The following KCNH1 variants were observed in gnomAD, a reference collection of about 807,000 sequenced individuals.
The protein encoded by KCNH1 is voltage-gated delayed rectifier potassium channel KCNH1.
KCNH1 carries 27 observed loss-of-function variants against 69.2 expected under a neutral mutation model. That is an observed-to-expected ratio of 0.39 (90% CI 0.29 to 0.54). The LOEUF (loss-of-function observed/expected upper bound fraction) is 0.54. Among genes scored for constraint, KCNH1 ranks in the 20% least tolerant of loss-of-function variants. The pLI is 0.68. For missense variants in KCNH1, 798 were observed against 1,261.6 expected, an observed-to-expected ratio of 0.63 and a Z score of 5.57; for synonymous variants, 456 against 487.7, an observed-to-expected ratio of 0.93 and a Z score of 0.86.
intron 6 of KCNH1, among the ~76,000 whole-genome samples, chr1:210,958,938 C>G (rs1398990533): frequency 6.6e-6 from 1 of 152,224 alleles, no homozygotes; most frequent in Non-Finnish European, 1.5e-5. Context: ...ATTCTCCATC[C>G]AGCTTTGTTC....
chr1:210,889,603 G>A (rs1686700851), intron 7 of KCNH1, among the ~76,000 whole-genome samples: 1 of 152,328 alleles, frequency 6.6e-6, no homozygotes, highest in African/African-American at 2.4e-5. Context: ...TAGGAAGAGA[G>A]GAAGTCAAAT....
chr1:211,096,079 T>A (rs34622213), intron 3 of KCNH1, among the ~76,000 whole-genome samples: 12,232 of 135,804 alleles, frequency 0.09, 560 homozygotes, highest in Middle Eastern at 0.13. Flanking sequence ...TTATTTATTT[T>A]TTGAGATGGA....
chr1:210,929,725 G>A (rs1344615150), intron 6 of KCNH1, among the ~76,000 whole-genome samples: 1 of 152,146 alleles, frequency 6.6e-6, no homozygotes, highest in Non-Finnish European at 1.5e-5. Context: ...TCAATACAGA[G>A]GGACTCAAAC....
chr1:211,103,065 AC>A (rs1319720930), intron 3 of KCNH1, among the ~76,000 whole-genome samples: 1 of 152,168 alleles, frequency 6.6e-6, no homozygotes, highest in Non-Finnish European at 1.5e-5. Flanking sequence ...CTGGGGACAA[AC>A]TTTTATTTAG....
chr1:210,725,049 A>G (rs565943891), intron 10 of KCNH1, among the ~76,000 whole-genome samples: 7 of 152,330 alleles, frequency 4.6e-5, no homozygotes, highest in Admixed American at 6.5e-5. Context: ...GTTGAGACAT[A>G]AAAGCTTGGC....
At chr1:210,718,834 C>T (rs1256528467) in intron 10 of KCNH1, among the ~76,000 whole-genome samples, 3 of 151,660 alleles carry the variant, frequency 2.0e-5, no homozygotes, top group Non-Finnish European at 4.4e-5. Flanking sequence ...AGCCCCAGAG[C>T]CAATGAAGTG....
intron 6 of KCNH1, among the ~76,000 whole-genome samples, chr1:210,996,491 C>T (rs1326294194): frequency 1.3e-5 from 2 of 152,244 alleles, no homozygotes; most frequent in East Asian, 1.9e-4. Flanking sequence ...CCAGGAACCT[C>T]GAACTGGGTG....
chr1:210,986,558 G>A (rs1002008866), intron 6 of KCNH1, among the ~76,000 whole-genome samples: 1 of 152,084 alleles, frequency 6.6e-6, no homozygotes, highest in Non-Finnish European at 1.5e-5. Flanking sequence ...AGTTTGGCTG[G>A]ATATGAAATT....
chr1:211,096,304 T>G (rs1272498288), intron 3 of KCNH1, among the ~76,000 whole-genome samples: 1 of 152,212 alleles, frequency 6.6e-6, no homozygotes, highest in Admixed American at 6.5e-5. Flanking sequence ...CCTCAGGTGA[T>G]CTGCCCGCCT....
At chr1:210,895,185 G>T (rs1686839323) in intron 7 of KCNH1, among the ~76,000 whole-genome samples, 2 of 150,878 alleles carry the variant, frequency 1.3e-5, no homozygotes, top group Non-Finnish European at 1.5e-5. Flanking sequence ...CAGGCAAGAG[G>T]GTAAATCTGG....
chr1:210,888,159 T>C (rs1686657801), intron 7 of KCNH1, among the ~76,000 whole-genome samples: 1 of 152,054 alleles, frequency 6.6e-6, no homozygotes, highest in Non-Finnish European at 1.5e-5. Flanking sequence ...AAATTGGAAG[T>C]AAAACACACC....
At chr1:210,799,065 G>C (rs543846973) in intron 8 of KCNH1, among the ~76,000 whole-genome samples, 1 of 151,298 alleles carries the variant, frequency 6.6e-6, no homozygotes, top group East Asian at 1.9e-4. Flanking sequence ...CAAATAGTAA[G>C]CAAAATAAAT....
At chr1:210,758,958 C>T (rs918673546) in intron 10 of KCNH1, among the ~76,000 whole-genome samples, 23 of 152,108 alleles carry the variant, frequency 1.5e-4, no homozygotes, top group Non-Finnish European at 2.5e-4. Flanking sequence ...ACAAAAATTA[C>T]GTTGCTACAA....
At chr1:210,848,666 C>G (rs1215848924) in intron 7 of KCNH1, among the ~76,000 whole-genome samples, 1 of 152,208 alleles carries the variant, frequency 6.6e-6, no homozygotes, top group Non-Finnish European at 1.5e-5. Flanking sequence ...AAGATAGAAT[C>G]TTGGTCACGT....
At chr1:210,699,365 GGACACAGACCTGTTCAGA>G (rs1305545151) in intron 10 of KCNH1, among the ~76,000 whole-genome samples, 1 of 152,184 alleles carries the variant, frequency 6.6e-6, no homozygotes. Context: ...GGCACAGCAT[GGACACAGACCTGTTCAGA>G]GAAAGACTGG....
intron 3 of KCNH1, among the ~76,000 whole-genome samples, chr1:211,095,722 G>T (rs1360999020): frequency 6.6e-6 from 1 of 152,188 alleles, no homozygotes; most frequent in Non-Finnish European, 1.5e-5. Context: ...CCTCTAACAG[G>T]TCCAGAAACT....
At chr1:210,797,295 A>G (rs1395852580) in intron 9 of KCNH1, among the ~76,000 whole-genome samples, 1 of 152,112 alleles carries the variant, frequency 6.6e-6, no homozygotes, top group Non-Finnish European at 1.5e-5. Flanking sequence ...GATAAAACCC[A>G]TTTTTCTTAT....
At chr1:210,800,114 A>G (rs920331158) in intron 8 of KCNH1, among the ~76,000 whole-genome samples, 1 of 152,238 alleles carries the variant, frequency 6.6e-6, no homozygotes, top group Non-Finnish European at 1.5e-5. Context: ...GTGCTTCTGC[A>G]TTCTTGATCT....
chr1:210,849,353 TTTTC>T (rs1435161197), intron 7 of KCNH1, among the ~76,000 whole-genome samples: 25 of 144,634 alleles, frequency 1.7e-4, no homozygotes, highest in African/African-American at 6.3e-4. Context: ...GTGTGTGTGC[TTTTC>T]TTTCTTTCTT....
Sources: allele counts gnomAD v4.1 joint callset (sites outside exome capture counted in the v4.1 genomes callset), GRCh38; gene constraint gnomAD v4.1.1; transcripts MANE v1.5; gene names NCBI Gene and HGNC (gene_info 2026-07-23, HGNC 2026-07-21).